PDE10A: variants seen among roughly 807,000 people sequenced by gnomAD.
The protein encoded by PDE10A is phosphodiesterase 10A.
In PDE10A, 39 loss-of-function variants were observed where a neutral mutation model predicts 97.7. The ratio of observed to expected loss-of-function variants is 0.40; its 90% CI spans 0.31 to 0.52. The LOEUF (loss-of-function observed/expected upper bound fraction) is 0.52, where lower values mean the gene tolerates loss of function less well. PDE10A is among the 20% of genes least tolerant of loss of function. The probability of loss-of-function intolerance (pLI) is 0.56; values close to 1 mark genes in which losing one functional copy is unlikely to be tolerated. For synonymous variants in PDE10A, 371 were observed against 376.8 expected (o/e 0.98, Z 0.18); for missense variants, 731 against 1,047.8 (o/e 0.70, Z 4.17).
At chr6:165,900,221 C>T (rs962614844) in intron 1 of PDE10A, among the ~76,000 whole-genome samples, 12 of 152,178 alleles carry the variant, frequency 7.9e-5, no homozygotes, top group African/African-American at 2.9e-4. Flanking sequence ...CCCGTAATCC[C>T]AGCACTTTGG....
At chr6:165,840,044 C>G (rs1269299307) in intron 1 of PDE10A, among the ~76,000 whole-genome samples, 5 of 484 alleles carry the variant, frequency 0.01, no homozygotes, top group Admixed American at 0.053. Flanking sequence ...CCATCTCCAT[C>G]TCCATGTCCA....
intron 1 of PDE10A, among the ~76,000 whole-genome samples, chr6:165,823,493 T>TAC (rs1779632118): frequency 1.3e-5 from 1 of 79,764 alleles, no homozygotes; most frequent in Non-Finnish European, 2.9e-5. Flanking sequence ...TATATATATA[T>TAC]ATATATATAT....
intron 18 of PDE10A, among the ~76,000 whole-genome samples, chr6:165,346,047 T>C (rs1395043547): frequency 6.6e-6 from 1 of 152,136 alleles, no homozygotes; most frequent in East Asian, 1.9e-4. Context: ...ACATGGAACG[T>C]AGTTAAGTTT....
At chr6:165,987,810 G>T (rs1162276284) in exon 1 of PDE10A, 9 of 443,722 alleles carry the variant, frequency 2.0e-5, no homozygotes, top group Non-Finnish European at 3.6e-5. Context: ...AAAGGCGAGT[G>T]TGTGGGGTTC....
rs150718402 is a variant in PDE10A, at chr6:165,611,239, G to C, written c.865+50708C>G. Among the ~76,000 whole-genome samples, 434 of 152,262 alleles carry C rather than the reference G, an allele frequency of 2.9e-3. 1 individual carries two copies. Among genetic ancestry groups the C allele is most frequent in the African/African-American group, 0.01 (416 of 41,552 alleles). On this transcript the variant is annotated intron_variant, in intron 1 of 21. Coordinates refer to ENST00000539869, the MANE Select transcript of PDE10A (RefSeq NM_001385079.1). ...GTGTATGAAAAGGAAATACATAATT[G>C]TTGTACTAAGCCATTGAGAATTTCA...
intron 1 of PDE10A, among the ~76,000 whole-genome samples, chr6:165,983,310 T>C (rs930668143): frequency 9.2e-5 from 14 of 152,052 alleles, no homozygotes; most frequent in African/African-American, 3.4e-4. Flanking sequence ...CTATTAACAA[T>C]AGAGGGGCCA....
At chr6:165,489,785 T>TTA (rs1292208066) in intron 2 of PDE10A, among the ~76,000 whole-genome samples, 2 of 151,944 alleles carry the variant, frequency 1.3e-5, no homozygotes, top group Non-Finnish European at 2.9e-5. Flanking sequence ...AAGGAGACAC[T>TTA]TAGAGAATTG....
upstream of PDE10A, among the ~76,000 whole-genome samples, chr6:165,667,399 G>T (rs920435079): frequency 6.6e-6 from 1 of 152,124 alleles, no homozygotes; most frequent in East Asian, 1.9e-4. Context: ...AAAACAAATT[G>T]CAGTTGTATT....
At chr6:165,522,116 G>A (rs1782164367) in intron 2 of PDE10A, among the ~76,000 whole-genome samples, 1 of 152,060 alleles carries the variant, frequency 6.6e-6, no homozygotes, top group Non-Finnish European at 1.5e-5. Context: ...GCCATGAACA[G>A]ACCAACAATG....
intron 1 of PDE10A, among the ~76,000 whole-genome samples, chr6:165,808,044 G>A (rs1036899095): frequency 6.6e-6 from 1 of 152,140 alleles, no homozygotes; most frequent in Non-Finnish European, 1.5e-5. Context: ...GGGGTCTTGC[G>A]GTGTGCAGCC....
In PDE10A at chr6:165,331,829, G is replaced by A. The variant is rs1781357673; in HGVS notation, c.*1196C>T. The A allele has an allele frequency of 6.6e-6, 1 of 152,182 alleles. No homozygotes were observed. Among genetic ancestry groups the A allele is most frequent in the South Asian group, 2.1e-4 (1 of 4,824 alleles). 9.4% of individuals were successfully genotyped at this position (152,182 alleles called of 1,614,324 possible). A position where few individuals can be genotyped will look rare whatever the true frequency, so the allele number is the denominator to read the frequency against. ...CCATCGAAACCCACAGGCTTCTATG[G>A]AGTGATCTGATCTGTGAGAAGAGTA... On this transcript the variant is annotated 3_prime_UTR_variant, in exon 22 of 22. Transcript: ENST00000539869.
intron 1 of PDE10A, among the ~76,000 whole-genome samples, chr6:165,934,401 C>T (rs886588063): frequency 3.9e-5 from 6 of 152,002 alleles, no homozygotes; most frequent in Non-Finnish European, 7.4e-5. Context: ...GAGTTTGAAT[C>T]TGATATTTTG....
chr6:165,657,588 GT>G (rs1202099385), intron 1 of PDE10A, among the ~76,000 whole-genome samples: 9 of 152,206 alleles, frequency 5.9e-5, no homozygotes, highest in Admixed American at 2.0e-4. Context: ...GTTGCACTGA[GT>G]TTTTTCCCTA....
At chr6:165,551,688 G>A (rs1205184921) in intron 1 of PDE10A, among the ~76,000 whole-genome samples, 5 of 152,154 alleles carry the variant, frequency 3.3e-5, no homozygotes, top group African/African-American at 1.2e-4. Flanking sequence ...CCTCCCGTCT[G>A]AGGTTATTAC....
chr6:165,796,784 C>T (rs1350269853), intron 1 of PDE10A, among the ~76,000 whole-genome samples: 2 of 152,258 alleles, frequency 1.3e-5, no homozygotes, highest in Admixed American at 1.3e-4. Flanking sequence ...CCTTGGGTTT[C>T]AAATAGTCTA....
intron 18 of PDE10A, among the ~76,000 whole-genome samples, chr6:165,353,980 A>G (rs1183860896): frequency 6.6e-6 from 1 of 152,240 alleles, no homozygotes; most frequent in East Asian, 1.9e-4. Flanking sequence ...GGACCAGGAT[A>G]TAGAGGAACT....
chr6:165,508,689 A>G (rs1372630381), intron 2 of PDE10A, among the ~76,000 whole-genome samples: 1 of 151,836 alleles, frequency 6.6e-6, no homozygotes, highest in Non-Finnish European at 1.5e-5. Flanking sequence ...ATCCTTGACA[A>G]CCCTTGCTAT....
rs1023497913 is a variant in PDE10A at position 165,655,552 on chromosome 6, C to T, written c.865+6395G>A. On this transcript the variant is annotated intron_variant, in intron 1 of 21. Transcript: ENST00000539869. This position sits in a 1 kb window ranked among gnomAD's most constrained non-coding sequence, Gnocchi z 4.5. ...ACGCCACCTCCAAACACCTCCTGAA[C>T]CACCGCGGCATTTTGCTTCTACCAT... is the stretch of plus-strand genomic sequence containing the variant. Among the ~76,000 whole-genome samples the T allele has an allele frequency of 4.6e-5, 7 of 151,978 alleles. No individual in the cohort carries two copies. In the East Asian group the frequency reaches 1.4e-3, roughly 29 times the overall value.
At chr6:165,614,418 G>C (rs914028169) in intron 1 of PDE10A, among the ~76,000 whole-genome samples, 1 of 152,198 alleles carries the variant, frequency 6.6e-6, no homozygotes, top group East Asian at 1.9e-4. Flanking sequence ...AAGCACACAG[G>C]TATTGATGTC....
Sources: allele counts gnomAD v4.1 joint callset (sites outside exome capture counted in the v4.1 genomes callset), GRCh38; gene constraint gnomAD v4.1.1; non-coding constraint Gnocchi (gnomAD v3.1); transcripts MANE v1.5; gene names NCBI Gene and HGNC (gene_info 2026-07-23, HGNC 2026-07-21).